The following ARHGAP26 variants were observed in gnomAD, a reference collection of about 807,000 sequenced individuals.
ARHGAP26 encodes the protein rho GTPase-activating protein 26.
ARHGAP26 carries 38 observed loss-of-function variants against 104.8 expected under a neutral mutation model. The observed-to-expected ratio is 0.36, with a 90% CI of 0.28 to 0.48. ARHGAP26 has a LOEUF of 0.48. Ranked by LOEUF, ARHGAP26 falls within the 20% of genes least tolerant of loss-of-function variation. The pLI, the probability that ARHGAP26 is intolerant of heterozygous loss-of-function variation, is 0.99. For synonymous variants in ARHGAP26, 341 were observed against 340.0 expected, an observed-to-expected ratio of 1.00 and a Z score of -0.03; for missense variants, 704 against 947.9, an observed-to-expected ratio of 0.74 and a Z score of 3.38.
At chr5:142,890,270 A>G (rs1167278160) in intron 5 of ARHGAP26, among the ~76,000 whole-genome samples, 1 of 144,218 alleles carries the variant, frequency 6.9e-6, no homozygotes, top group Non-Finnish European at 1.5e-5. Flanking sequence ...TTCTTACTCT[A>G]TGTTGAAGTT....
rs1480651978 is a variant in ARHGAP26 at position 142,872,345 on chromosome 5, C to T, written c.155-1055C>T. Reference sequence around the variant, plus strand: ...AGCCACAGTACACCCCCCCACCACCCATATCTTATTAAAGCCAGGCCTTGT... The same window carrying T: ...AGCCACAGTACACCCCCCCACCACCTATATCTTATTAAAGCCAGGCCTTGT... On this transcript the variant is annotated intron_variant, in intron 1 of 22. Coordinates refer to ENST00000645722, the MANE Select transcript of ARHGAP26 (RefSeq NM_001135608.3). 2.0e-5 allele frequency among the ~76,000 whole-genome samples: 3 copies of T among 152,288 alleles called. No individual in the cohort carries two copies. In the East Asian group the frequency reaches 5.8e-4, roughly 29 times the overall value.
intron 1 of ARHGAP26, among the ~76,000 whole-genome samples, chr5:142,838,954 T>C (rs1770173872): frequency 6.6e-6 from 1 of 152,210 alleles, no homozygotes; most frequent in African/African-American, 2.4e-5. Flanking sequence ...TTGGTCTAGA[T>C]ATGTATACCA....
At chr5:143,072,654 A>G (rs1788441429) in intron 17 of ARHGAP26, among the ~76,000 whole-genome samples, 1 of 152,258 alleles carries the variant, frequency 6.6e-6, no homozygotes, top group Non-Finnish European at 1.5e-5. Flanking sequence ...ACAAAGTTAA[A>G]TACTGCATAT....
At chr5:143,150,570 A>G (rs1799726319) in intron 20 of ARHGAP26, among the ~76,000 whole-genome samples, 1 of 152,234 alleles carries the variant, frequency 6.6e-6, no homozygotes. Context: ...CAGGATGGAT[A>G]AATGCATTCT....
intron 17 of ARHGAP26, among the ~76,000 whole-genome samples, chr5:143,097,475 A>G (rs1792538065): frequency 1.3e-5 from 2 of 151,720 alleles, no homozygotes; most frequent in Admixed American, 1.3e-4. Flanking sequence ...GTCGTCATTT[A>G]CCTTCCTGAG....
intron 11 of ARHGAP26, chr5:142,946,733 G>T (rs1252032520): frequency 6.6e-6 from 1 of 152,172 alleles, no homozygotes; most frequent in Non-Finnish European, 1.5e-5. Flanking sequence ...TTTTGAAAAT[G>T]TATCTTTGGA....
chr5:142,988,714 G>T (rs964039031), intron 11 of ARHGAP26, among the ~76,000 whole-genome samples: 10 of 152,160 alleles, frequency 6.6e-5, no homozygotes, highest in African/African-American at 2.4e-4. Flanking sequence ...TGGTTTCAAA[G>T]AACATCTTTA....
chr5:143,041,722 G>GA (rs34295120), intron 13 of ARHGAP26, 94 bp from the exon 14 acceptor site: 93,667 of 628,608 alleles, frequency 0.15, 3,264 homozygotes, highest in Admixed American at 0.22. Context: ...CTGAGAAAAT[G>GA]AAAAAAAAAA....
At chr5:143,164,201 A>G (rs909293799) in intron 20 of ARHGAP26, among the ~76,000 whole-genome samples, 3 of 152,198 alleles carry the variant, frequency 2.0e-5, no homozygotes, top group African/African-American at 7.2e-5. Context: ...CCTTATATGG[A>G]AAAGGAAAGT....
chr5:143,183,922 G>A lies in ARHGAP26; in HGVS notation c.1989-23276G>A, dbSNP rs1039808627. Among the ~76,000 whole-genome samples, 5 of 152,198 alleles carry A rather than the reference G, an allele frequency of 3.3e-5. 1 individual carries two copies. Among genetic ancestry groups the A allele is most frequent in the Non-Finnish European group, 1.5e-5 (1 of 68,034 alleles). On this transcript the variant is annotated intron_variant, in intron 20 of 22. Coordinates refer to ENST00000645722, the MANE Select transcript of ARHGAP26 (RefSeq NM_001135608.3). ...GTTTCAGTAGAAGTTTGGATAACCT[G>A]TAGTTTTTAAAGATTGATGCTCCTG...
chr5:142,938,965 A>C (rs565640783), intron 11 of ARHGAP26, among the ~76,000 whole-genome samples: 1 of 152,236 alleles, frequency 6.6e-6, no homozygotes, highest in Non-Finnish European at 1.5e-5. Context: ...TAAGAAGGTA[A>C]GAAACAGATA....
At chr5:142,827,649 A>G (rs1175533119) in intron 1 of ARHGAP26, among the ~76,000 whole-genome samples, 2 of 152,186 alleles carry the variant, frequency 1.3e-5, no homozygotes, top group Non-Finnish European at 1.5e-5. Flanking sequence ...ACAGAGGTCA[A>G]TGGCGTGGGC....
chr5:142,992,439 T>A (rs895214797), intron 11 of ARHGAP26, among the ~76,000 whole-genome samples: 1 of 151,168 alleles, frequency 6.6e-6, no homozygotes, highest in Non-Finnish European at 1.5e-5. Flanking sequence ...TTTTATTTTT[T>A]ATTTTTTTTT....
chr5:143,012,293 G>A (rs898427901), intron 11 of ARHGAP26, among the ~76,000 whole-genome samples: 1 of 151,090 alleles, frequency 6.6e-6, no homozygotes, highest in Non-Finnish European at 1.5e-5. Flanking sequence ...ACCTTCTTGG[G>A]CGACTCCTTC....
intron 11 of ARHGAP26, among the ~76,000 whole-genome samples, chr5:142,963,163 GGTATATATGTATATATAT>G (rs1269989406): frequency 1.8e-5 from 2 of 112,170 alleles, no homozygotes; most frequent in East Asian, 2.8e-4. Context: ...AGTATTCCAT[GGTATATATGTATATATAT>G]ATATATATAT....
chr5:143,038,033 C>T (rs1782905572), intron 13 of ARHGAP26, among the ~76,000 whole-genome samples: 1 of 152,224 alleles, frequency 6.6e-6, no homozygotes. Context: ...AAGGAGATTC[C>T]TCAGTCCCAG....
At chr5:142,917,665 T>A (rs35518665) in intron 10 of ARHGAP26, among the ~76,000 whole-genome samples, 2,391 of 152,226 alleles carry the variant, frequency 0.016, 22 homozygotes, top group Middle Eastern at 0.054. Flanking sequence ...CATGAATGGT[T>A]TTTTGGTTTC....
intron 1 of ARHGAP26, among the ~76,000 whole-genome samples, chr5:142,791,271 A>G (rs1418944387): frequency 6.6e-6 from 1 of 152,146 alleles, no homozygotes; most frequent in African/African-American, 2.4e-5. Flanking sequence ...GTAGCCCAAG[A>G]AATGATGAGT....
intron 17 of ARHGAP26, among the ~76,000 whole-genome samples, chr5:143,110,791 C>T (rs1025852631): frequency 1.3e-5 from 2 of 152,170 alleles, no homozygotes; most frequent in Admixed American, 6.5e-5. Flanking sequence ...CTTCTCTGCA[C>T]GTCTTTTTAT....
Sources: allele counts gnomAD v4.1 joint callset (sites outside exome capture counted in the v4.1 genomes callset), GRCh38; gene constraint gnomAD v4.1.1; transcripts MANE v1.5; gene names NCBI Gene and HGNC (gene_info 2026-07-23, HGNC 2026-07-21).